DOCK2: variants seen among roughly 807,000 people sequenced by gnomAD.
DOCK2 encodes dedicator of cytokinesis 2.
Under a neutral mutation model 248.9 loss-of-function variants are expected in DOCK2, and 87 were observed. The ratio of observed to expected loss-of-function variants is 0.35; its 90% CI spans 0.29 to 0.42. The LOEUF (loss-of-function observed/expected upper bound fraction) is 0.42. Among genes scored for constraint, DOCK2 ranks in the 10% least tolerant of loss-of-function variants. The pLI is 1.00. For synonymous variants in DOCK2, 805 were observed against 821.6 expected (o/e 0.98, Z 0.35); for missense variants, 1,747 against 2,300.2 (o/e 0.76, Z 4.92).
At chr5:169,702,459 G>A (rs1369664298) in intron 14 of DOCK2, 32 bp downstream of exon 14, 2 of 1,611,134 alleles carry the variant, frequency 1.2e-6, no homozygotes, top group Non-Finnish European at 1.7e-6. Flanking sequence ...TGGGTGACAG[G>A]GTCCGCCTTG....
intron 45 of DOCK2, among the ~76,000 whole-genome samples, chr5:170,068,601 TTTATACATGA>T (rs1423735427): frequency 6.6e-6 from 1 of 152,166 alleles, no homozygotes; most frequent in African/African-American, 2.4e-5. Flanking sequence ...GATATGTCTG[TTTATACATGA>T]GCACACACTA....
chr5:170,028,998 T>C (rs969883749), intron 34 of DOCK2, among the ~76,000 whole-genome samples: 15 of 152,232 alleles, frequency 9.9e-5, no homozygotes, highest in Admixed American at 9.2e-4. Context: ...ATTTAGGCTG[T>C]TTCTACTTTT....
chr5:170,051,673 C>T (rs1432952124), intron 41 of DOCK2, among the ~76,000 whole-genome samples: 2 of 152,196 alleles, frequency 1.3e-5, no homozygotes, highest in African/African-American at 2.4e-5. Flanking sequence ...AGAATGTCGG[C>T]TCCACGAGGG....
intron 2 of DOCK2, among the ~76,000 whole-genome samples, chr5:169,667,532 G>T (rs1472609754): frequency 6.6e-6 from 1 of 152,198 alleles, no homozygotes; most frequent in Non-Finnish European, 1.5e-5. Flanking sequence ...TTACAAAGTT[G>T]CATTTCTGTC....
At chr5:169,707,116 A>G (rs1302433034) in intron 14 of DOCK2, among the ~76,000 whole-genome samples, 1 of 152,210 alleles carries the variant, frequency 6.6e-6, no homozygotes, top group Non-Finnish European at 1.5e-5. Context: ...CCTAATATAA[A>G]AACCACACTT....
chr5:169,724,815 C>G (rs1762391359), intron 22 of DOCK2, among the ~76,000 whole-genome samples: 1 of 151,762 alleles, frequency 6.6e-6, no homozygotes, highest in African/African-American at 2.4e-5. Flanking sequence ...TCAACCTCCA[C>G]CTTATCCCCT....
At chr5:169,669,422 C>A in intron 3 of DOCK2, 94 bp downstream of exon 3, 1 of 1,372,294 alleles carries the variant, frequency 7.3e-7, no homozygotes, top group Non-Finnish European at 1.0e-6. Context: ...CATTGCTCCT[C>A]AGCAAAGGGA....
chr5:169,753,356 A>ACCCCCCCCCCCCCCCCCTCC (rs1166233661), intron 23 of DOCK2, among the ~76,000 whole-genome samples: 1 of 140,196 alleles, frequency 7.1e-6, no homozygotes, highest in African/African-American at 2.7e-5. Flanking sequence ...CCCTGCCCTC[A>ACCCCCCCCCCCCCCCCCTCC]CCCCCCCCCA....
At chr5:169,787,676 A>G (rs1581188929) in intron 25 of DOCK2, among the ~76,000 whole-genome samples, 1 of 146,694 alleles carries the variant, frequency 6.8e-6, no homozygotes, top group African/African-American at 2.5e-5. Context: ...ATTCTTGCCC[A>G]GTTGCTATGC....
chr5:169,753,338 G>A (rs1267403216), intron 23 of DOCK2, among the ~76,000 whole-genome samples: 2 of 151,814 alleles, frequency 1.3e-5, no homozygotes, highest in Non-Finnish European at 2.9e-5. Context: ...TATTTGTCCC[G>A]ATGTTCTCCC....
chr5:169,940,084 G>A (rs569369567), intron 27 of DOCK2, among the ~76,000 whole-genome samples: 1 of 152,334 alleles, frequency 6.6e-6, no homozygotes, highest in South Asian at 2.1e-4. Flanking sequence ...GCTGTGGGTG[G>A]GGAGAGGGGT....
chr5:169,654,263 A>G (rs1472248882), intron 1 of DOCK2, 140 bp from the exon 2 acceptor site: 17 of 832,156 alleles, frequency 2.0e-5, no homozygotes, highest in Admixed American at 2.7e-5. Context: ...TGTGGCAGGC[A>G]ATAGGTTTCT....
Position 170,019,104 on chromosome 5 carries a change from A to G in DOCK2, c.3377A>G (p.Lys1126Arg). The part of the protein sequence containing the change: ...LCEYQRSGDF[K>R]KFENEIILKL... The stretch of plus-strand genomic sequence containing the variant: ...GAATATCAAAGAAGTGGGGATTTCA[A>G]AAAGGTAAAAAATGAGGCCGGAAAC... Residue 1126 changes from lysine (K) to arginine (R), a missense_variant, in exon 33 of 52, where the codon AAA (lysine) becomes AGA (arginine). By Grantham distance (26) the Lys-to-Arg change is conservative. Coordinates refer to ENST00000520908, the MANE Select transcript of DOCK2 (RefSeq NM_004946.3). The G allele has an allele frequency of 4.3e-6, 7 of 1,614,038 alleles. No individual in the cohort carries two copies. Among genetic ancestry groups the G allele is most frequent in the Non-Finnish European group, 5.9e-6 (7 of 1,179,896 alleles).
intron 3 of DOCK2, among the ~76,000 whole-genome samples, chr5:169,670,047 G>A (rs1288347698): frequency 1.3e-5 from 2 of 152,160 alleles, no homozygotes; most frequent in Non-Finnish European, 2.9e-5. Context: ...GTCTCAAATC[G>A]AACTAGCCCA....
chr5:170,055,393 C>G lies in DOCK2; in HGVS notation c.4295+7C>G. 1 of 1,613,696 alleles carries G rather than the reference C, an allele frequency of 6.2e-7. No homozygotes were observed. The highest frequency in any genetic ancestry group is 1.1e-5 in the South Asian group (1 of 91,062). ...TGCCTGACCAGATTATAAAGTAAGA[C>G]TCGTTGTCCACAGGGAAGAAGGATG... On this transcript the variant is annotated splice_region_variant and intron_variant, in intron 42 of 51. Coordinates refer to ENST00000520908, the MANE Select transcript of DOCK2 (RefSeq NM_004946.3).
At chr5:169,643,146 G>A (rs959456396) in intron 1 of DOCK2, among the ~76,000 whole-genome samples, 1 of 152,146 alleles carries the variant, frequency 6.6e-6, no homozygotes, top group African/African-American at 2.4e-5. Context: ...AAAACAGTCA[G>A]GCTGAGTTTG....
intron 22 of DOCK2, among the ~76,000 whole-genome samples, chr5:169,739,996 G>GA (rs991004814): frequency 6.6e-6 from 1 of 152,144 alleles, no homozygotes; most frequent in Non-Finnish European, 1.5e-5. Context: ...ATATTGGGGG[G>GA]AAAAACCCTA....
At chr5:169,665,772 G>A (rs780431090) in intron 2 of DOCK2, among the ~76,000 whole-genome samples, 6 of 152,106 alleles carry the variant, frequency 3.9e-5, no homozygotes, top group Non-Finnish European at 7.4e-5. Context: ...ATGACCAAAG[G>A]CCATGTGGCT....
chr5:169,782,758 A>G (rs1239510570), intron 25 of DOCK2, among the ~76,000 whole-genome samples: 1 of 152,124 alleles, frequency 6.6e-6, no homozygotes, highest in South Asian at 2.1e-4. Flanking sequence ...TGCTGGCTCA[A>G]TGCCATCCTG....
Sources: gnomAD v4.1 joint callset for allele counts (sites outside exome capture counted in the v4.1 genomes callset) on GRCh38, gnomAD v4.1.1 for gene constraint, MANE v1.5 for transcripts, NCBI Gene and HGNC (gene_info 2026-07-23, HGNC 2026-07-21) for gene names.